Variants in STK32A observed in about 807,000 individuals in gnomAD.
STK32A encodes the protein serine/threonine kinase 32A.
A neutral mutation model predicts 53.2 loss-of-function variants in STK32A; 41 were observed. That is an observed-to-expected ratio of 0.77 (90% CI 0.60 to 1.00). The LOEUF (loss-of-function observed/expected upper bound fraction) is 1.00, where lower values mean the gene tolerates loss of function less well. Among genes scored for constraint, STK32A ranks in the 50% least tolerant of loss-of-function variants. The pLI is 0.00. For synonymous variants in STK32A, 166 were observed against 162.8 expected (o/e 1.02, Z -0.15); for missense variants, 458 against 485.8 (o/e 0.94, Z 0.54).
At chr5:147,347,836 T>C (rs1171544806) in intron 6 of STK32A, among the ~76,000 whole-genome samples, 3 of 152,198 alleles carry the variant, frequency 2.0e-5, no homozygotes, top group Non-Finnish European at 4.4e-5. Flanking sequence ...AAGTCATGGC[T>C]GTAGCCGGAC....
chr5:147,262,718 C>A (rs911263579), intron 2 of STK32A, among the ~76,000 whole-genome samples: 1 of 152,066 alleles, frequency 6.6e-6, no homozygotes, highest in South Asian at 2.1e-4. Flanking sequence ...AAGATTTAAA[C>A]CCACAAGGAT....
intron 2 of STK32A, among the ~76,000 whole-genome samples, chr5:147,259,878 C>CTCTCTCTTGTTTCTCTCTCTCCT (rs1754426541): frequency 7.8e-6 from 1 of 128,704 alleles, no homozygotes; most frequent in Admixed American, 8.4e-5. Context: ...GTCTCTCTCT[C>CTCTCTCTTGTTTCTCTCTCTCCT]CTGTCTCTCT....
At chr5:147,306,405 C>T (rs1326665219) in intron 4 of STK32A, among the ~76,000 whole-genome samples, 39 of 151,684 alleles carry the variant, frequency 2.6e-4, no homozygotes, top group Admixed American at 2.6e-3. Flanking sequence ...AGGTGTTGTT[C>T]CAGGTGCTGA....
At chr5:147,366,745 A>T (rs533600325) in intron 8 of STK32A, among the ~76,000 whole-genome samples, 1 of 152,260 alleles carries the variant, frequency 6.6e-6, no homozygotes, top group East Asian at 1.9e-4. Flanking sequence ...TTTAAACCCC[A>T]TCTTAGCAGT....
At chr5:147,283,388 G>A (rs930876793) in intron 4 of STK32A, among the ~76,000 whole-genome samples, 3 of 150,592 alleles carry the variant, frequency 2.0e-5, no homozygotes, top group Non-Finnish European at 4.4e-5. Flanking sequence ...GAAGGGACTA[G>A]AGAAACAAGA....
chr5:147,296,455 G>A (rs752163909), intron 4 of STK32A, among the ~76,000 whole-genome samples: 16 of 151,864 alleles, frequency 1.1e-4, no homozygotes, highest in African/African-American at 3.9e-4. Context: ...GCAGCCTGCC[G>A]GCACTTGGGA....
intron 4 of STK32A, among the ~76,000 whole-genome samples, chr5:147,280,236 G>A (rs927971280): frequency 6.6e-6 from 1 of 152,030 alleles, no homozygotes. Flanking sequence ...ATTTGAACAG[G>A]GTGAGAAAGC....
chr5:147,384,365 A>G lies in STK32A; in HGVS notation c.*382A>G. 6.6e-7 allele frequency: 1 copy of G among 1,522,346 alleles called. No individual in the cohort carries two copies. The highest frequency in any genetic ancestry group is 1.2e-5 in the South Asian group (1 of 80,874). 94.3% of individuals were successfully genotyped at this position (1,522,346 alleles called of 1,614,324 possible). A position where few individuals can be genotyped will look rare whatever the true frequency, so the allele number is the denominator to read the frequency against. On this transcript the variant is annotated 3_prime_UTR_variant, in exon 13 of 13. Transcript: ENST00000397936. ...ATAGATTTATTTTTCCACTCCTTCT[A>G]ATTATGCAGTGACAAATGGACAAAT...
downstream of STK32A, among the ~76,000 whole-genome samples, chr5:147,390,060 A>G (rs1369535008): frequency 1.3e-5 from 2 of 152,144 alleles, no homozygotes; most frequent in Non-Finnish European, 2.9e-5. Context: ...TCCCCCTGGT[A>G]AACTAGTTTA....
At chr5:147,320,461 T>A (rs905311998) in intron 4 of STK32A, among the ~76,000 whole-genome samples, 1 of 148,640 alleles carries the variant, frequency 6.7e-6, no homozygotes, top group South Asian at 2.1e-4. Flanking sequence ...TCATTGATTA[T>A]GTTTTCTATT....
chr5:147,259,898 T>C (rs377382573), intron 2 of STK32A, among the ~76,000 whole-genome samples: 13 of 138,518 alleles, frequency 9.4e-5, no homozygotes, highest in African/African-American at 3.7e-4. Flanking sequence ...TCTTTCTCTC[T>C]CCTCTCTCTC....
the STK32A span, among the ~76,000 whole-genome samples, chr5:147,400,136 A>G: frequency 6.6e-6 from 1 of 152,206 alleles, no homozygotes; most frequent in East Asian, 1.9e-4. Flanking sequence ...AAAATCTTTG[A>G]AAGAGTCTTA....
the STK32A span, among the ~76,000 whole-genome samples, chr5:147,395,920 G>C: frequency 6.6e-6 from 1 of 152,130 alleles, no homozygotes; most frequent in Admixed American, 6.5e-5. Flanking sequence ...GATGTGGTCA[G>C]TGAAGGCCCT....
intron 2 of STK32A, among the ~76,000 whole-genome samples, chr5:147,254,678 A>C (rs967364051): frequency 7.9e-5 from 12 of 152,122 alleles, no homozygotes; most frequent in Non-Finnish European, 1.5e-4. Flanking sequence ...ACACAGGCTA[A>C]CCTAATTCTG....
At position 147,257,624 on chromosome 5, in the gene STK32A, G is replaced by A. The variant is rs113625469; in HGVS notation, c.52+17938G>A. Among the ~76,000 whole-genome samples the A allele has an allele frequency of 9.9e-3, 1,509 of 152,152 alleles. 22 individuals are homozygous for A. The highest frequency in any genetic ancestry group is 0.034 in the African/African-American group (1,413 of 41,518). On this transcript the variant is annotated intron_variant, in intron 2 of 12. Coordinates refer to ENST00000397936, the MANE Select transcript of STK32A (RefSeq NM_001112724.2). Reference sequence around the variant, plus strand: ...GGAGGGGGCAGCGCTTTCTTGACTCGGGTGTGATGAGTCCATCCCTTTTTC... The same window carrying A: ...GGAGGGGGCAGCGCTTTCTTGACTCAGGTGTGATGAGTCCATCCCTTTTTC...
chr5:147,400,311 C>A, the STK32A span, among the ~76,000 whole-genome samples: 1 of 152,184 alleles, frequency 6.6e-6, no homozygotes, highest in African/African-American at 2.4e-5. Flanking sequence ...GGTCTAGACA[C>A]AGACTCATTG....
At chr5:147,397,905 C>T in the STK32A span, 1 of 1,115,858 alleles carries the variant, frequency 9.0e-7, no homozygotes, top group Non-Finnish European at 1.2e-6. Context: ...AACGTACCTT[C>T]TCTCCTTGAG....
intron 4 of STK32A, among the ~76,000 whole-genome samples, chr5:147,317,582 C>A (rs745766364): frequency 1.6e-4 from 24 of 152,014 alleles, no homozygotes; most frequent in Non-Finnish European, 2.9e-4. Context: ...GCTTCAGCCT[C>A]CCAAAGTGCT....
downstream of STK32A, chr5:147,391,548 A>G (rs965987934): frequency 3.9e-5 from 6 of 152,524 alleles, no homozygotes; most frequent in East Asian, 1.2e-3. Flanking sequence ...CAGATAGACG[A>G]TCCAGCGTGC....
Sources: allele counts gnomAD v4.1 joint callset (sites outside exome capture counted in the v4.1 genomes callset), GRCh38; gene constraint gnomAD v4.1.1; transcripts MANE v1.5; gene names NCBI Gene and HGNC (gene_info 2026-07-23, HGNC 2026-07-21).